The following ST8SIA2 variants were observed in gnomAD, a reference collection of about 807,000 sequenced individuals.
ST8SIA2 encodes the protein ST8 alpha-N-acetyl-neuraminide alpha-2,8-sialyltransferase 2.
A neutral mutation model predicts 37.6 loss-of-function variants in ST8SIA2; 22 were observed. The observed-to-expected ratio is 0.58, with a 90% confidence interval of 0.42 to 0.83. The LOEUF (loss-of-function observed/expected upper bound fraction) is 0.83. Ranked by LOEUF, ST8SIA2 falls within the 40% of genes least tolerant of loss-of-function variation. ST8SIA2 has a pLI of 0.00. For missense variants in ST8SIA2, 382 were observed against 484.7 expected, an observed-to-expected ratio of 0.79 and a Z score of 1.99; for synonymous variants, 205 against 201.2, an observed-to-expected ratio of 1.02 and a Z score of -0.16.
chr15:92,463,862 G>A (rs1281122513), intron 5 of ST8SIA2, among the ~76,000 whole-genome samples: 7 of 152,082 alleles, frequency 4.6e-5, no homozygotes, highest in Non-Finnish European at 2.9e-5. Context: ...ACCCACAACA[G>A]GTTTGTTTTG....
At chr15:92,415,884 G>A (rs1279479107) in intron 1 of ST8SIA2, among the ~76,000 whole-genome samples, 1 of 152,126 alleles carries the variant, frequency 6.6e-6, no homozygotes, top group Non-Finnish European at 1.5e-5. Context: ...ACTGAGTCAC[G>A]CATTCCAGAA....
At chr15:92,428,503 T>A (rs1453249617) in intron 1 of ST8SIA2, among the ~76,000 whole-genome samples, 4 of 152,040 alleles carry the variant, frequency 2.6e-5, no homozygotes, top group African/African-American at 9.7e-5. Context: ...AGGGTTAGGG[T>A]CCAGCTGGTG....
At chr15:92,450,035 CT>C (rs2049870962) in intron 5 of ST8SIA2, among the ~76,000 whole-genome samples, 3 of 152,168 alleles carry the variant, frequency 2.0e-5, no homozygotes, top group Admixed American at 2.0e-4. Context: ...TTTTCATCAC[CT>C]TGTGTTTGGC....
At chr15:92,459,018 G>A (rs1402479186) in intron 5 of ST8SIA2, among the ~76,000 whole-genome samples, 3 of 152,150 alleles carry the variant, frequency 2.0e-5, no homozygotes, top group South Asian at 2.1e-4. Context: ...GTGGGGAAAG[G>A]CATCTAGGCG....
intron 1 of ST8SIA2, among the ~76,000 whole-genome samples, chr15:92,407,069 G>A (rs2049513815): frequency 6.6e-6 from 1 of 151,730 alleles, no homozygotes; most frequent in Non-Finnish European, 1.5e-5. Context: ...ACAGCCACTG[G>A]TTGGATTCCT....
At chr15:92,408,211 G>C (rs189717277) in intron 1 of ST8SIA2, among the ~76,000 whole-genome samples, 118 of 152,218 alleles carry the variant, frequency 7.8e-4, no homozygotes, top group Middle Eastern at 3.4e-3. Flanking sequence ...TCCTCCAAGA[G>C]AGGGTGGTCC....
intron 1 of ST8SIA2, among the ~76,000 whole-genome samples, chr15:92,405,467 A>T (rs922028146): frequency 1.3e-5 from 2 of 152,246 alleles, no homozygotes; most frequent in African/African-American, 4.8e-5. Flanking sequence ...AATAGCTAAG[A>T]TGGTAAATTG....
chr15:92,437,524 A>G (rs1285296679), intron 3 of ST8SIA2, among the ~76,000 whole-genome samples: 3 of 152,120 alleles, frequency 2.0e-5, no homozygotes, highest in Non-Finnish European at 4.4e-5. Context: ...AATGCAAAGG[A>G]GCCCTTCTCC....
intron 5 of ST8SIA2, among the ~76,000 whole-genome samples, chr15:92,458,986 A>G (rs991195837): frequency 1.3e-5 from 2 of 152,196 alleles, no homozygotes; most frequent in Non-Finnish European, 2.9e-5. Context: ...GAGGTGGGAA[A>G]GAGAGTTCAC....
chr15:92,409,421 A>G (rs2049533315), intron 1 of ST8SIA2, among the ~76,000 whole-genome samples: 1 of 152,186 alleles, frequency 6.6e-6, no homozygotes, highest in African/African-American at 2.4e-5. Flanking sequence ...TCAGAGTCCC[A>G]TTGTGTAGTG....
chr15:92,462,130 G>A lies in ST8SIA2; in HGVS notation c.843-1970G>A, dbSNP rs143632288. Among the ~76,000 whole-genome samples, 287 of 152,308 alleles carry A rather than the reference G, an allele frequency of 1.9e-3. 1 individual carries two copies. The highest frequency in any genetic ancestry group is 0.012 in the South Asian group (57 of 4,832). The stretch of plus-strand genomic sequence containing the variant: ...ACCCAAGGAGGCTCCTGTCGTGCCC[G>A]GGAGAATCGTGTTCACTCCGATTCT... On this transcript the variant is annotated intron_variant, in intron 5 of 5. Transcript: ENST00000268164.
At chr15:92,412,466 C>A (rs2049556810) in intron 1 of ST8SIA2, among the ~76,000 whole-genome samples, 1 of 152,080 alleles carries the variant, frequency 6.6e-6, no homozygotes, top group Non-Finnish European at 1.5e-5. Context: ...GCTCTTCTTG[C>A]CTTTCAAGTT....
intron 3 of ST8SIA2, among the ~76,000 whole-genome samples, chr15:92,436,990 C>T (rs998575637): frequency 6.6e-6 from 1 of 152,186 alleles, no homozygotes; most frequent in Non-Finnish European, 1.5e-5. Context: ...CTTAAAGGTT[C>T]CCCAAGTGAC....
intron 4 of ST8SIA2, among the ~76,000 whole-genome samples, chr15:92,443,796 G>C (rs117564142): frequency 8.2e-4 from 125 of 152,148 alleles, no homozygotes; most frequent in Non-Finnish European, 1.5e-3. Context: ...TTCCTAACCT[G>C]CTTGGCTATA....
Position 92,464,546 on chromosome 15 carries a change from A to G in ST8SIA2, c.*161A>G. Reference sequence around the variant, plus strand: ...AATATATATATCTATACCTGCATATATATATTGACCTGAGTATTTATAACT... The same window carrying G: ...AATATATATATCTATACCTGCATATGTATATTGACCTGAGTATTTATAACT... On this transcript the variant is annotated 3_prime_UTR_variant, in exon 6 of 6. Coordinates refer to ENST00000268164, the MANE Select transcript of ST8SIA2 (RefSeq NM_006011.4). The G allele has an allele frequency of 1.4e-6, 1 of 738,466 alleles. No individual in the cohort carries two copies. The allele number at this position is 738,466 out of a possible 1,614,324, so 45.7% of individuals were successfully genotyped here.
At chr15:92,436,097 T>C (rs1318918516) in intron 3 of ST8SIA2, among the ~76,000 whole-genome samples, 1 of 152,226 alleles carries the variant, frequency 6.6e-6, no homozygotes, top group African/African-American at 2.4e-5. Context: ...CCTGTCATTG[T>C]ATTTAAGGCC....
intron 2 of ST8SIA2, among the ~76,000 whole-genome samples, chr15:92,431,838 G>A (rs2049717955): frequency 6.6e-6 from 1 of 152,090 alleles, no homozygotes. Context: ...ACTGAGCCAG[G>A]GTTAAAATCC....
intron 5 of ST8SIA2, among the ~76,000 whole-genome samples, chr15:92,452,108 T>G (rs578210380): frequency 3.9e-4 from 60 of 152,310 alleles, no homozygotes; most frequent in African/African-American, 1.4e-3. Flanking sequence ...AAGATGAGTC[T>G]TTTACTTGGA....
intron 5 of ST8SIA2, among the ~76,000 whole-genome samples, chr15:92,447,544 C>T (rs1246537627): frequency 6.6e-6 from 1 of 152,164 alleles, no homozygotes; most frequent in African/African-American, 2.4e-5. Context: ...TGAGGGGCAT[C>T]AGGATGCTCT....
Sources: gnomAD v4.1 joint callset for allele counts (sites outside exome capture counted in the v4.1 genomes callset) on GRCh38, gnomAD v4.1.1 for gene constraint, MANE v1.5 for transcripts, NCBI Gene and HGNC (gene_info 2026-07-23, HGNC 2026-07-21) for gene names.